The following SLC20A2 variants were observed in gnomAD, a reference collection of about 807,000 sequenced individuals.
SLC20A2 encodes solute carrier family 20 member 2, also known as sodium-dependent phosphate transporter 2.
Under a neutral mutation model 61.0 loss-of-function variants are expected in SLC20A2, and 30 were observed. That is an observed-to-expected ratio of 0.49 (90% CI 0.37 to 0.67). The LOEUF is 0.67. Among genes scored for constraint, SLC20A2 ranks in the 30% least tolerant of loss-of-function variants. The probability of loss-of-function intolerance (pLI) is 0.00; values close to 1 mark genes in which losing one functional copy is unlikely to be tolerated. For synonymous variants in SLC20A2, 351 were observed against 353.3 expected (o/e 0.99, Z 0.07); for missense variants, 626 against 866.4 (o/e 0.72, Z 3.48).
chr8:42,443,132 A>T (rs1232696133), intron 6 of SLC20A2, among the ~76,000 whole-genome samples: 1 of 149,348 alleles, frequency 6.7e-6, no homozygotes, highest in Non-Finnish European at 1.5e-5. Flanking sequence ...TAACTATAAT[A>T]ATACAATTAT....
At chr8:42,459,257 A>C (rs566813183) in intron 5 of SLC20A2, among the ~76,000 whole-genome samples, 6 of 150,972 alleles carry the variant, frequency 4.0e-5, no homozygotes, top group East Asian at 3.9e-4. Flanking sequence ...AAAAAAAAAA[A>C]AACATAAAAA....
intron 8 of SLC20A2, among the ~76,000 whole-genome samples, chr8:42,431,916 T>C (rs1166632229): frequency 9.2e-5 from 14 of 152,248 alleles, no homozygotes; most frequent in Non-Finnish European, 8.8e-5. Context: ...AAAATATTAC[T>C]GCTCATTGAC....
chr8:42,426,506 G>A (rs917158400), intron 10 of SLC20A2, among the ~76,000 whole-genome samples: 3 of 152,188 alleles, frequency 2.0e-5, no homozygotes, highest in Non-Finnish European at 4.4e-5. Flanking sequence ...GACCAGCCTT[G>A]CCAACATGGT....
rs373024640 is a variant in SLC20A2 at position 42,511,444 on chromosome 8, C to G, written c.-265+30377G>C. Among the ~76,000 whole-genome samples, 5 of 152,020 alleles carry G rather than the reference C, an allele frequency of 3.3e-5. No homozygotes were observed. In the East Asian group the frequency reaches 7.7e-4, roughly 23 times the overall value. On this transcript the variant is annotated intron_variant, in intron 1 of 10. Coordinates refer to the SLC20A2 transcript ENST00000342228. ...AAGTTCAACACCAGCCTGGCCAACA[C>G]AGTGAAACCCCATCTCTATTAAAAA...
chr8:42,525,507 G>GGGAGGT (rs1811867319), intron 1 of SLC20A2, among the ~76,000 whole-genome samples: 2 of 149,620 alleles, frequency 1.3e-5, no homozygotes, highest in South Asian at 2.1e-4. Flanking sequence ...GCTCACACCT[G>GGGAGGT]GGAGGTGGAG....
At chr8:42,535,257 GTAC>G (rs1563557280) in intron 1 of SLC20A2, 2 of 152,102 alleles carry the variant, frequency 1.3e-5, no homozygotes, top group Non-Finnish European at 2.9e-5. Context: ...TAAGCCTGAT[GTAC>G]TGGTCTCTGC....
chr8:42,437,296 C>A lies in SLC20A2; in HGVS notation c.1216G>T (p.Asp406Tyr), dbSNP rs1244595217. ...LPVHATFRAA[D>Y]SSAPEDSEKL... is the part of the protein sequence containing the mutation. Reference sequence around the variant, plus strand: ...TCACTGTCCTCTGGGGCCGATGAGTCCGCAGCTCGAAAGGTGGCGTGCACT... The same window carrying A: ...TCACTGTCCTCTGGGGCCGATGAGTACGCAGCTCGAAAGGTGGCGTGCACT... Residue 406 changes from aspartate to tyrosine, a missense_variant, in exon 8 of 11, where the codon GAC (aspartate) becomes TAC (tyrosine). Physicochemically the swap from Asp to Tyr is radical, Grantham distance 160. Transcript: ENST00000520262. The surrounding 1 kb of genome is among the most constrained non-coding windows in gnomAD (Gnocchi z 6.4). The A allele has an allele frequency of 6.2e-7, 1 of 1,614,038 alleles. No homozygotes were observed. Among genetic ancestry groups the A allele is most frequent in the African/African-American group, 1.3e-5 (1 of 74,920 alleles).
chr8:42,444,240 A>G (rs936205087), intron 6 of SLC20A2, among the ~76,000 whole-genome samples: 4 of 152,252 alleles, frequency 2.6e-5, no homozygotes, highest in Non-Finnish European at 5.9e-5. Context: ...AAATTTCAGC[A>G]TAAACCTGGG....
In SLC20A2 at chr8:42,522,399, G is replaced by A. The variant is rs1322329164; in HGVS notation, c.-265+19422C>T. Among the ~76,000 whole-genome samples, 5 of 122,098 alleles carry A rather than the reference G, an allele frequency of 4.1e-5. 2 individuals are homozygous for A. The highest frequency in any genetic ancestry group is 1.6e-4 in the Admixed American group (2 of 12,274). The allele number at this position is 122,098 out of a possible 152,430, so 80.1% of individuals were successfully genotyped here. Reference sequence around the variant, plus strand: ...AAAAGGGTTAAGAAAAAGCACTACTGGCCAGGCATGGTGGCTCACGCCTGT... The same window carrying A: ...AAAAGGGTTAAGAAAAAGCACTACTAGCCAGGCATGGTGGCTCACGCCTGT... On this transcript the variant is annotated intron_variant, in intron 1 of 10. Transcript: ENST00000342228.
chr8:42,439,849 G>T (rs1284747490), intron 6 of SLC20A2, among the ~76,000 whole-genome samples, 196 bp from the exon 7 acceptor site: 1 of 152,142 alleles, frequency 6.6e-6, no homozygotes, highest in Non-Finnish European at 1.5e-5. Context: ...CACTTTGGGA[G>T]GCCGAAGCAG....
chr8:42,430,372 T>C (rs993498667), intron 8 of SLC20A2, 123 bp from the exon 9 acceptor site: 2 of 772,188 alleles, frequency 2.6e-6, no homozygotes, highest in African/African-American at 1.8e-5. Context: ...TTTTTCTTTC[T>C]TTTTTTTTGA....
intron 9 of SLC20A2, 122 bp from the exon 10 acceptor site, chr8:42,428,964 G>A (rs969043928): frequency 2.8e-6 from 2 of 721,176 alleles, no homozygotes; most frequent in African/African-American, 1.9e-5. Flanking sequence ...GACTGGGCAA[G>A]ATCAATTTTA....
chr8:42,513,455 C>T (rs780514475), intron 1 of SLC20A2, among the ~76,000 whole-genome samples: 8 of 152,158 alleles, frequency 5.3e-5, no homozygotes, highest in Non-Finnish European at 8.8e-5. Flanking sequence ...TAACTTTCCT[C>T]GTCCTAGATG....
At chr8:42,524,217 T>G (rs951566251) in intron 1 of SLC20A2, among the ~76,000 whole-genome samples, 2 of 152,188 alleles carry the variant, frequency 1.3e-5, no homozygotes, top group South Asian at 4.2e-4. Context: ...TATTCTTAAA[T>G]AGAAAGGCTT....
chr8:42,484,747 T>C, intron 1 of SLC20A2: 1 of 353,004 alleles, frequency 2.8e-6, no homozygotes, highest in African/African-American at 2.1e-5. Context: ...CAAGAGAGCC[T>C]GACTTGGGAG....
At chr8:42,525,051 T>C (rs1811832705) in intron 1 of SLC20A2, among the ~76,000 whole-genome samples, 1 of 152,198 alleles carries the variant, frequency 6.6e-6, no homozygotes, top group Non-Finnish European at 1.5e-5. Flanking sequence ...AGTTCATCTT[T>C]TGTTAGCTGT....
chr8:42,473,440 C>T (rs945216311), intron 1 of SLC20A2, among the ~76,000 whole-genome samples: 2 of 152,132 alleles, frequency 1.3e-5, no homozygotes, highest in African/African-American at 2.4e-5. Context: ...CAGGCACACT[C>T]TCACCTCAGG....
At chr8:42,429,400 C>T (rs1043365730) in intron 9 of SLC20A2, among the ~76,000 whole-genome samples, 1 of 152,134 alleles carries the variant, frequency 6.6e-6, no homozygotes, top group Non-Finnish European at 1.5e-5. Context: ...GTCCTCCCCA[C>T]CCCAGCTGCC....
At chr8:42,498,029 C>T (rs1435477049) in intron 1 of SLC20A2, among the ~76,000 whole-genome samples, 2 of 152,144 alleles carry the variant, frequency 1.3e-5, no homozygotes, top group African/African-American at 4.8e-5. Context: ...TATCCTAAAC[C>T]AGTGCAGGGT....
Sources: allele counts gnomAD v4.1 joint callset (sites outside exome capture counted in the v4.1 genomes callset), GRCh38; gene constraint gnomAD v4.1.1; non-coding constraint Gnocchi (gnomAD v3.1); transcripts MANE v1.5; gene names NCBI Gene and HGNC (gene_info 2026-07-23, HGNC 2026-07-21).